Variants in NME9 observed in about 807,000 individuals in gnomAD.
NME9 encodes the protein thioredoxin domain-containing protein 6.
In NME9, 48 loss-of-function variants were observed where a neutral mutation model predicts 44.4. That is an observed-to-expected ratio of 1.08 (90% CI 0.86 to 1.37). NME9 has a LOEUF of 1.37. Ranked by LOEUF, NME9 falls within the 40% of genes most tolerant of loss-of-function variation. The probability of loss-of-function intolerance (pLI) is 0.00; values close to 1 mark genes in which losing one functional copy is unlikely to be tolerated. For synonymous variants in NME9, 139 were observed against 147.1 expected (o/e 0.94, Z 0.40); for missense variants, 325 against 405.2 (o/e 0.80, Z 1.70).
Position 138,289,130 on chromosome 3 carries a change from T to C in NME9, c.745+14377A>G, listed in dbSNP as rs376176488. 5.6e-6 allele frequency: 9 copies of C among 1,608,170 alleles called. No homozygotes were observed. In the African/African-American group the frequency reaches 6.7e-5, roughly 12 times the overall value. On this transcript the variant is annotated intron_variant, in intron 8 of 8. Transcript: ENST00000317876. The stretch of plus-strand genomic sequence containing the variant: ...TGGAATGAAGAGGAAGGTAAGAGAT[T>C]GGTGAGATTTGTTTTGAAAAAAATT...
At chr3:138,308,970 CTG>C (rs1423257972) in intron 6 of NME9, among the ~76,000 whole-genome samples, 3 of 115,248 alleles carry the variant, frequency 2.6e-5, no homozygotes, top group East Asian at 5.1e-4. Context: ...AAAAAAAAAA[CTG>C]TCATCCAAGA....
intron 2 of NME9, 142 bp downstream of exon 2, chr3:138,324,731 C>T (rs2053673074): frequency 1.6e-6 from 1 of 625,070 alleles, no homozygotes; most frequent in South Asian, 1.8e-5. Flanking sequence ...CACACACACA[C>T]ACACACACAT....
Position 138,301,112 on chromosome 3 carries a change from T to G in NME9, c.*528A>C, listed in dbSNP as rs905854778. On this transcript the variant is annotated 3_prime_UTR_variant, in exon 11 of 11. Transcript: ENST00000333911. ...GATGTAATAACTGATGTTCAATTATTTTGTAAAATCCCAAAGACAGAGAAA... is the reference window on the plus strand; with the variant it reads ...GATGTAATAACTGATGTTCAATTATGTTGTAAAATCCCAAAGACAGAGAAA... The G allele has an allele frequency of 1.0e-6, 1 of 974,534 alleles. No homozygotes were observed. Among genetic ancestry groups the G allele is most frequent in the Non-Finnish European group, 1.2e-6 (1 of 820,080 alleles). 60.4% of individuals were successfully genotyped at this position (974,534 alleles called of 1,614,324 possible).
chr3:138,321,626 G>A (rs1201272077), intron 2 of NME9, among the ~76,000 whole-genome samples: 1 of 152,162 alleles, frequency 6.6e-6, no homozygotes, highest in Non-Finnish European at 1.5e-5. Context: ...CAGGGAAGAA[G>A]CAAGACGCAT....
At chr3:138,295,090 G>C (rs576982704) in intron 8 of NME9, among the ~76,000 whole-genome samples, 1 of 152,010 alleles carries the variant, frequency 6.6e-6, no homozygotes, top group Non-Finnish European at 1.5e-5. Flanking sequence ...GTAGAAACAG[G>C]GTTTCACCGT....
chr3:138,269,899 T>C (rs2048628954), intron 8 of NME9: 1 of 354,312 alleles, frequency 2.8e-6, no homozygotes, highest in South Asian at 7.9e-5. Flanking sequence ...TTTTTATGGC[T>C]ACATCACTCC....
chr3:138,303,654 T>C lies in NME9; in HGVS notation c.792-11A>G. On this transcript the variant is annotated splice_polypyrimidine_tract_variant and intron_variant, in intron 9 of 10. Coordinates refer to ENST00000333911, the MANE Select transcript of NME9 (RefSeq NM_001349018.2). The stretch of plus-strand genomic sequence containing the variant: ...TACTGAGCTCGGAGACTGGGAACAT[T>C]GGCAAAATGTAAAAGAAACAATTGT... 2 of 1,588,104 alleles carry C rather than the reference T, an allele frequency of 1.3e-6. No homozygotes were observed. The highest frequency in any genetic ancestry group is 1.3e-5 in the African/African-American group (1 of 74,248).
intron 8 of NME9, among the ~76,000 whole-genome samples, chr3:138,289,952 G>A (rs1207881406): frequency 6.6e-6 from 1 of 152,124 alleles, no homozygotes; most frequent in Non-Finnish European, 1.5e-5. Context: ...AGTGCAAGAA[G>A]GGAAACTGGA....
chr3:138,293,653 G>A (rs1211731293), intron 8 of NME9, among the ~76,000 whole-genome samples: 1 of 152,210 alleles, frequency 6.6e-6, no homozygotes, highest in African/African-American at 2.4e-5. Flanking sequence ...ATCTGAGCTT[G>A]TACCTTGAGG....
At chr3:138,314,524 T>C (rs1577168288) in intron 5 of NME9, 117 bp from the exon 6 acceptor site, 1 of 647,666 alleles carries the variant, frequency 1.5e-6, no homozygotes, top group East Asian at 2.8e-5. Flanking sequence ...GAAAAAAATG[T>C]CAAAATTATC....
At chr3:138,313,544 T>C (rs1278059708) in intron 6 of NME9, among the ~76,000 whole-genome samples, 1 of 152,114 alleles carries the variant, frequency 6.6e-6, no homozygotes, top group East Asian at 1.9e-4. Context: ...AGAGCTACCA[T>C]ATGATCCAAC....
intron 2 of NME9, among the ~76,000 whole-genome samples, chr3:138,321,126 A>G (rs887770563): frequency 6.6e-6 from 1 of 152,222 alleles, no homozygotes. Flanking sequence ...CACTATACAG[A>G]TGAGGAAACT....
At chr3:138,264,970 T>A (rs943923951) in intron 8 of NME9, among the ~76,000 whole-genome samples, 1 of 151,718 alleles carries the variant, frequency 6.6e-6, no homozygotes, top group Non-Finnish European at 1.5e-5. Context: ...CAGTCATGGC[T>A]CACTGCAGCC....
chr3:138,262,346 G>A (rs2047826363), exon 9 of NME9: 2 of 635,474 alleles, frequency 3.1e-6, no homozygotes, highest in Non-Finnish European at 5.3e-6. Flanking sequence ...TAAATGTTTT[G>A]GAAACTAAAA....
chr3:138,325,062 C>G (rs2053695427), intron 1 of NME9, 132 bp from the exon 2 acceptor site: 4 of 707,452 alleles, frequency 5.7e-6, no homozygotes, highest in Non-Finnish European at 9.7e-6. Flanking sequence ...TCCTCTCCCC[C>G]ATCTTCTTTT....
intron 2 of NME9, among the ~76,000 whole-genome samples, chr3:138,322,521 T>TGTGTGTGTGTGTGC (rs59463925): frequency 6.7e-6 from 1 of 149,800 alleles, no homozygotes; most frequent in African/African-American, 2.4e-5. Context: ...TGTGTGTGTG[T>TGTGTGTGTGTGTGC]CTGTGCATGC....
chr3:138,324,116 C>T lies in NME9; in HGVS notation c.91+757G>A, dbSNP rs558445204. ...GTTGTGAGTAGCCTCATGGAGAAAC[C>T]AATGGCAAGAAGTTAACGTCTCTGG... On this transcript the variant is annotated intron_variant, in intron 2 of 10. Transcript: ENST00000333911. 61 of 225,520 alleles carry T rather than the reference C, an allele frequency of 2.7e-4. No individual in the cohort carries two copies. In the South Asian group the frequency reaches 3.9e-3, roughly 14 times the overall value. 14.0% of individuals were successfully genotyped at this position (225,520 alleles called of 1,614,324 possible).
At chr3:138,270,494 T>C (rs146049558) in intron 8 of NME9, among the ~76,000 whole-genome samples, 105 of 152,304 alleles carry the variant, frequency 6.9e-4, no homozygotes, top group African/African-American at 2.4e-3. Context: ...AACTTTATGA[T>C]ACCAACCAGA....
chr3:138,322,488 GT>G lies in NME9; in HGVS notation c.91+2384del, dbSNP rs2053533048. 6.2e-4 allele frequency among the ~76,000 whole-genome samples: 9 copies of G among 14,572 alleles called. No individual in the cohort carries two copies. The South Asian group carries it at 0.014, about 22-fold the overall frequency. The allele number at this position is 14,572 out of a possible 152,430, so 9.6% of individuals were successfully genotyped here. On this transcript the variant is annotated intron_variant, in intron 2 of 10. Transcript: ENST00000333911. Reference sequence around the variant, plus strand: ...AATGGCAGAGACAAGAAAAAGGGGTGTGTGTGTGTGTGTGTGTGTGTGTGTG... The same window carrying G: ...AATGGCAGAGACAAGAAAAAGGGGTGGTGTGTGTGTGTGTGTGTGTGTGTG...
Sources: allele counts gnomAD v4.1 joint callset (sites outside exome capture counted in the v4.1 genomes callset), GRCh38; gene constraint gnomAD v4.1.1; transcripts MANE v1.5; gene names NCBI Gene and HGNC (gene_info 2026-07-23, HGNC 2026-07-21).